FRMD6: variants seen among roughly 807,000 people sequenced by gnomAD.
The protein encoded by FRMD6 is FERM domain containing 6.
In FRMD6, 37 loss-of-function variants were observed where a neutral mutation model predicts 73.2. That is an observed-to-expected ratio of 0.51 (90% CI 0.39 to 0.66). The LOEUF is 0.66. FRMD6 is among the 30% of genes least tolerant of loss of function. The probability of loss-of-function intolerance (pLI) is 0.00; values close to 1 mark genes in which losing one functional copy is unlikely to be tolerated. For synonymous variants in FRMD6, 273 were observed against 282.2 expected (o/e 0.97, Z 0.33); for missense variants, 714 against 780.5 (o/e 0.91, Z 1.02).
chr14:51,686,958 A>T (rs1301900251), intron 1 of FRMD6, among the ~76,000 whole-genome samples: 1 of 152,138 alleles, frequency 6.6e-6, no homozygotes, highest in Non-Finnish European at 1.5e-5. Flanking sequence ...GTAAAAACTT[A>T]AACTCTTTCT....
At chr14:51,579,136 A>G (rs2139647009) in intron 2 of FRMD6, 1 of 152,196 alleles carries the variant, frequency 6.6e-6, no homozygotes, top group Non-Finnish European at 1.5e-5. Context: ...ATAAGGGAGG[A>G]GGCGCCTTCC....
chr14:51,441,200 A>G, the FRMD6 span, among the ~76,000 whole-genome samples: 949 of 152,338 alleles, frequency 6.2e-3, 7 homozygotes, highest in Non-Finnish European at 8.2e-3. Context: ...ATATGGACAC[A>G]TTGTATGCTA....
intron 1 of FRMD6, among the ~76,000 whole-genome samples, chr14:51,504,942 C>T (rs749823492): frequency 6.6e-6 from 1 of 152,226 alleles, no homozygotes; most frequent in Non-Finnish European, 1.5e-5. Context: ...AACAGCATGG[C>T]ACAGCGCCAT....
intron 1 of FRMD6, among the ~76,000 whole-genome samples, chr14:51,565,854 G>A (rs1206516233): frequency 6.6e-6 from 1 of 152,178 alleles, no homozygotes; most frequent in East Asian, 1.9e-4. Context: ...CAAGTTCACA[G>A]AGCTGTTTAT....
At chr14:51,536,560 G>GT (rs1413726631) in intron 1 of FRMD6, among the ~76,000 whole-genome samples, 3 of 152,076 alleles carry the variant, frequency 2.0e-5, no homozygotes, top group Non-Finnish European at 4.4e-5. Flanking sequence ...TGGGATTACA[G>GT]GTGCCTGCCA....
intron 1 of FRMD6, among the ~76,000 whole-genome samples, chr14:51,543,970 C>T (rs755314991): frequency 3.7e-4 from 56 of 151,868 alleles, no homozygotes; most frequent in Non-Finnish European, 5.3e-4. Flanking sequence ...ATTGCTGTGA[C>T]GTAGGTTTCT....
chr14:51,447,843 A>T, the FRMD6 span, among the ~76,000 whole-genome samples: 7 of 152,172 alleles, frequency 4.6e-5, no homozygotes, highest in Non-Finnish European at 8.8e-5. Context: ...GCTTTCTCAA[A>T]GCACCTTACT....
At chr14:51,594,105 G>A (rs1338615983) in intron 2 of FRMD6, among the ~76,000 whole-genome samples, 1 of 152,002 alleles carries the variant, frequency 6.6e-6, no homozygotes, top group Non-Finnish European at 1.5e-5. Context: ...GATTTACTAA[G>A]AACAAGAAAT....
chr14:51,573,047 A>T (rs912031752), intron 2 of FRMD6, among the ~76,000 whole-genome samples: 3 of 152,188 alleles, frequency 2.0e-5, no homozygotes, highest in Non-Finnish European at 4.4e-5. Flanking sequence ...AGAGAAGGGG[A>T]TCTATCTAGA....
At chr14:51,658,557 T>C (rs559531281) in intron 1 of FRMD6, among the ~76,000 whole-genome samples, 2 of 152,346 alleles carry the variant, frequency 1.3e-5, no homozygotes, top group Admixed American at 1.3e-4. Context: ...TGCTTCTCCC[T>C]CTTTTCTCCC....
the FRMD6 span, among the ~76,000 whole-genome samples, chr14:51,448,960 T>C: frequency 6.6e-6 from 1 of 152,168 alleles, no homozygotes; most frequent in Non-Finnish European, 1.5e-5. Flanking sequence ...TGGTACCTCA[T>C]CTCAGGCACC....
chr14:51,412,159 G>C, the FRMD6 span, among the ~76,000 whole-genome samples: 3 of 151,958 alleles, frequency 2.0e-5, no homozygotes, highest in Non-Finnish European at 4.4e-5. Flanking sequence ...CTTTTTGTCG[G>C]AGGCTAACAT....
chr14:51,603,026 G>C (rs1890100281), intron 2 of FRMD6, among the ~76,000 whole-genome samples: 1 of 152,160 alleles, frequency 6.6e-6, no homozygotes, highest in Non-Finnish European at 1.5e-5. Flanking sequence ...GGGGTTTTTA[G>C]GAAGTGATTA....
At chr14:51,663,045 A>G (rs1353966271) in intron 1 of FRMD6, among the ~76,000 whole-genome samples, 1 of 152,334 alleles carries the variant, frequency 6.6e-6, no homozygotes, top group African/African-American at 2.4e-5. Context: ...TACTGGAGAA[A>G]GCAAATCAAA....
chr14:51,594,584 C>T (rs1234481143), intron 2 of FRMD6, among the ~76,000 whole-genome samples: 2 of 152,140 alleles, frequency 1.3e-5, no homozygotes, highest in African/African-American at 4.8e-5. Flanking sequence ...CCGCCTCGGC[C>T]TCCCAAAGTG....
the FRMD6 span, among the ~76,000 whole-genome samples, chr14:51,416,827 C>G: frequency 4.6e-5 from 7 of 152,170 alleles, no homozygotes; most frequent in Non-Finnish European, 8.8e-5. Flanking sequence ...CTTTATGAAT[C>G]TGGGTGCTCC....
the FRMD6 span, among the ~76,000 whole-genome samples, chr14:51,447,052 A>G: frequency 6.6e-6 from 1 of 152,040 alleles, no homozygotes; most frequent in Non-Finnish European, 1.5e-5. Context: ...ACTTTATAAT[A>G]CTCTGTCCCG....
intron 1 of FRMD6, among the ~76,000 whole-genome samples, chr14:51,521,049 AAATCT>A (rs1441002605): frequency 1.3e-5 from 2 of 152,248 alleles, no homozygotes; most frequent in African/African-American, 4.8e-5. Context: ...TGAAAAAGAC[AAATCT>A]AATCTATAGT....
chr14:51,631,917 T>C (rs9323213), intron 2 of FRMD6, among the ~76,000 whole-genome samples: 6,949 of 152,284 alleles, frequency 0.046, 174 homozygotes, highest in Middle Eastern at 0.071. Flanking sequence ...AACATTAGCA[T>C]AGATCGATGT....
Sources: gnomAD v4.1 joint callset for allele counts (sites outside exome capture counted in the v4.1 genomes callset) on GRCh38, gnomAD v4.1.1 for gene constraint, MANE v1.5 for transcripts, NCBI Gene and HGNC (gene_info 2026-07-23, HGNC 2026-07-21) for gene names.